YIPF7: variants seen among roughly 807,000 people sequenced by gnomAD.
The protein encoded by YIPF7 is Yip1 domain family member 7.
YIPF7 carries 35 observed loss-of-function variants against 27.2 expected under a neutral mutation model. That is an observed-to-expected ratio of 1.29 (90% confidence interval 0.98 to 1.70). The LOEUF is 1.70. Ranked by LOEUF, YIPF7 falls within the 40% of genes most tolerant of loss-of-function variation. The pLI, the probability that YIPF7 is intolerant of heterozygous loss-of-function variation, is 0.00. For synonymous variants in YIPF7, 137 were observed against 110.4 expected (o/e 1.24, Z -1.51); for missense variants, 358 against 303.7 (o/e 1.18, Z -1.33).
intron 2 of YIPF7, among the ~76,000 whole-genome samples, chr4:44,641,251 C>T (rs1713315409): frequency 6.6e-6 from 1 of 151,946 alleles, no homozygotes; most frequent in Non-Finnish European, 1.5e-5. Context: ...CAATGTTCTG[C>T]CTTGGATAAT....
intron 2 of YIPF7, among the ~76,000 whole-genome samples, chr4:44,646,086 G>T (rs766373893): frequency 9.2e-5 from 14 of 152,128 alleles, no homozygotes; most frequent in Non-Finnish European, 1.8e-4. Context: ...TGGAGTCAAG[G>T]AAAATGTTTA....
chr4:44,651,367 A>G (rs1404515930), intron 1 of YIPF7, among the ~76,000 whole-genome samples, 187 bp downstream of exon 1: 1 of 152,236 alleles, frequency 6.6e-6, no homozygotes, highest in East Asian at 1.9e-4. Flanking sequence ...ACAATGTAAT[A>G]GCATAACTTT....
At chr4:44,644,333 C>A (rs1713446541) in intron 2 of YIPF7, among the ~76,000 whole-genome samples, 1 of 152,110 alleles carries the variant, frequency 6.6e-6, no homozygotes, top group Admixed American at 6.6e-5. Flanking sequence ...CTAATGATAG[C>A]GGATGAGCTG....
In YIPF7 at chr4:44,622,254, G is replaced by A; in HGVS notation, c.*160C>T. 1.2e-6 allele frequency: 1 copy of A among 842,860 alleles called. No individual in the cohort carries two copies. The highest frequency in any genetic ancestry group is 1.8e-6 in the Non-Finnish European group (1 of 550,836). 52.2% of individuals were successfully genotyped at this position (842,860 alleles called of 1,614,324 possible). On this transcript the variant is annotated 3_prime_UTR_variant, in exon 6 of 6. Transcript: ENST00000415895. ...AAGCAAAACATCATTCAAACCAACA[G>A]GCTATTAGAGCACCACCCTTAAGTG...
At chr4:44,648,991 T>C (rs1218128401) in intron 2 of YIPF7, among the ~76,000 whole-genome samples, 6 of 152,182 alleles carry the variant, frequency 3.9e-5, no homozygotes, top group Admixed American at 2.0e-4. Flanking sequence ...TATTTTAACG[T>C]GTTTACCTTG....
chr4:44,632,835 G>T (rs1380079149), intron 3 of YIPF7, among the ~76,000 whole-genome samples: 3 of 152,126 alleles, frequency 2.0e-5, no homozygotes, highest in Non-Finnish European at 4.4e-5. Flanking sequence ...ATATTTCATA[G>T]ATTCAAAGCA....
At chr4:44,646,695 A>T (rs1713537005) in intron 2 of YIPF7, among the ~76,000 whole-genome samples, 1 of 152,134 alleles carries the variant, frequency 6.6e-6, no homozygotes, top group Non-Finnish European at 1.5e-5. Context: ...AAATATAAAT[A>T]TCTTCACCGT....
chr4:44,651,739 T>A (rs1004283027), upstream of YIPF7: 2 of 588,328 alleles, frequency 3.4e-6, no homozygotes, highest in East Asian at 6.0e-5. Flanking sequence ...AAATACAGTA[T>A]CTTATAACAC....
At chr4:44,624,073 T>G (rs1237466182) in intron 5 of YIPF7, among the ~76,000 whole-genome samples, 3 of 151,638 alleles carry the variant, frequency 2.0e-5, no homozygotes, top group Non-Finnish European at 4.4e-5. Flanking sequence ...TTTTTTTTTT[T>G]TTTTATTTTG....
intron 2 of YIPF7, among the ~76,000 whole-genome samples, chr4:44,639,544 GTATGTATTTTATACA>G (rs1168676901): frequency 1.3e-5 from 2 of 152,010 alleles, no homozygotes; most frequent in Admixed American, 6.6e-5. Flanking sequence ...TTTTATATAT[GTATGTATTTTATACA>G]TATGTATTTT....
chr4:44,648,984 T>C (rs956298825), intron 2 of YIPF7, among the ~76,000 whole-genome samples: 1 of 152,162 alleles, frequency 6.6e-6, no homozygotes, highest in African/African-American at 2.4e-5. Context: ...ACTATCATAT[T>C]TTAACGTGTT....
intron 5 of YIPF7, 99 bp from the exon 6 acceptor site, chr4:44,622,675 A>G: frequency 1.4e-6 from 2 of 1,408,110 alleles, no homozygotes; most frequent in Non-Finnish European, 1.9e-6. Flanking sequence ...ATTTATAACT[A>G]CTTTCCCGAG....
upstream of YIPF7, among the ~76,000 whole-genome samples, chr4:44,652,505 T>A (rs1448929284): frequency 2.0e-5 from 3 of 152,264 alleles, no homozygotes; most frequent in East Asian, 1.9e-4. Context: ...CACTTAAGAA[T>A]CTTCAACTGG....
chr4:44,646,610 T>C (rs1274443887), intron 2 of YIPF7, among the ~76,000 whole-genome samples: 1 of 152,204 alleles, frequency 6.6e-6, no homozygotes, highest in Admixed American at 6.5e-5. Flanking sequence ...TATCCCTATC[T>C]GAATGGCTGA....
upstream of YIPF7, among the ~76,000 whole-genome samples, chr4:44,656,354 T>C (rs879296914): frequency 1.3e-5 from 2 of 152,052 alleles, no homozygotes; most frequent in African/African-American, 2.4e-5. Context: ...AGTTCCTTCA[T>C]CAGTAAAAAG....
intron 3 of YIPF7, among the ~76,000 whole-genome samples, chr4:44,633,260 T>G (rs55983651): frequency 0.086 from 13,014 of 152,168 alleles, 601 homozygotes; most frequent in Admixed American, 0.11. Flanking sequence ...TTTGGGGAAA[T>G]TAACTCTGAG....
chr4:44,651,500 C>T (rs938157097), intron 1 of YIPF7, 54 bp downstream of exon 1: 26 of 1,300,780 alleles, frequency 2.0e-5, no homozygotes, highest in Admixed American at 1.5e-4. Flanking sequence ...CTTACATAAC[C>T]GAGCTTTGTA....
upstream of YIPF7, among the ~76,000 whole-genome samples, chr4:44,654,737 A>C (rs929388905): frequency 6.6e-6 from 1 of 152,008 alleles, no homozygotes; most frequent in Non-Finnish European, 1.5e-5. Context: ...CAAATCAGAA[A>C]TCATCTAATT....
intron 3 of YIPF7, among the ~76,000 whole-genome samples, chr4:44,635,350 T>C (rs2109585640): frequency 6.6e-6 from 1 of 152,132 alleles, no homozygotes; most frequent in South Asian, 2.1e-4. Context: ...GTTCCAAGAA[T>C]GTCTGGATTT....
Sources: allele counts gnomAD v4.1 joint callset (sites outside exome capture counted in the v4.1 genomes callset), GRCh38; gene constraint gnomAD v4.1.1; transcripts MANE v1.5; gene names NCBI Gene and HGNC (gene_info 2026-07-23, HGNC 2026-07-21).